Variants in GNAO1 observed in about 807,000 individuals in gnomAD.
GNAO1 encodes G protein subunit alpha o1.
For synonymous variants in GNAO1, 164 were observed against 180.7 expected, an observed-to-expected ratio of 0.91 and a Z score of 0.74; for missense variants, 166 against 478.7, an observed-to-expected ratio of 0.35 and a Z score of 6.10.
chr16:56,233,327 G>C (rs1412605453), intron 2 of GNAO1, among the ~76,000 whole-genome samples: 1 of 152,188 alleles, frequency 6.6e-6, no homozygotes. Flanking sequence ...CACATAGTAG[G>C]TGCTTAGTAA....
At chr16:56,316,113 G>A (rs1357523088) in intron 3 of GNAO1, among the ~76,000 whole-genome samples, 1 of 151,576 alleles carries the variant, frequency 6.6e-6, no homozygotes, top group African/African-American at 2.4e-5. Flanking sequence ...TCCCCGGCGT[G>A]CCCTGCCAGG....
chr16:56,214,105 G>T (rs1169793368), intron 2 of GNAO1, among the ~76,000 whole-genome samples: 16 of 152,146 alleles, frequency 1.1e-4, no homozygotes, highest in South Asian at 2.1e-4. Context: ...AATCTAGGAA[G>T]AATTCTAGGA....
intron 3 of GNAO1, among the ~76,000 whole-genome samples, chr16:56,320,206 G>A (rs1199860331): frequency 6.6e-6 from 1 of 152,210 alleles, no homozygotes; most frequent in African/African-American, 2.4e-5. Context: ...CCCCATAGAA[G>A]AGTCCCATCC....
intron 2 of GNAO1, among the ~76,000 whole-genome samples, chr16:56,239,224 C>T (rs1309120252): frequency 6.6e-6 from 1 of 152,192 alleles, no homozygotes; most frequent in Non-Finnish European, 1.5e-5. Context: ...GTTCATCAGC[C>T]AATTCATTGC....
At chr16:56,328,182 A>T (rs564464258) in intron 3 of GNAO1, among the ~76,000 whole-genome samples, 2 of 152,348 alleles carry the variant, frequency 1.3e-5, no homozygotes, top group African/African-American at 4.8e-5. Flanking sequence ...GAAGTATAGA[A>T]AATTACAGCT....
intron 3 of GNAO1, among the ~76,000 whole-genome samples, chr16:56,289,708 G>A (rs545582289): frequency 6.6e-6 from 1 of 152,264 alleles, no homozygotes; most frequent in South Asian, 2.1e-4. Context: ...GGAGGCCAGG[G>A]AGGCCTTTGG....
intron 6 of GNAO1, chr16:56,346,992 G>A (rs1293578037): frequency 2.0e-6 from 2 of 985,360 alleles, no homozygotes; most frequent in African/African-American, 1.7e-5. Flanking sequence ...GCACCCAGGG[G>A]TTGATTCAGG....
At chr16:56,207,009 T>C (rs1483820364) in intron 2 of GNAO1, among the ~76,000 whole-genome samples, 1 of 152,270 alleles carries the variant, frequency 6.6e-6, no homozygotes, top group East Asian at 1.9e-4. Flanking sequence ...CTTTTGTATG[T>C]GCCCATGGGA....
intron 6 of GNAO1, among the ~76,000 whole-genome samples, chr16:56,340,061 A>G (rs1322645585): frequency 6.6e-6 from 1 of 152,202 alleles, no homozygotes; most frequent in Non-Finnish European, 1.5e-5. Flanking sequence ...GGCTCTCTGC[A>G]GGAGCTAGCC....
intron 3 of GNAO1, among the ~76,000 whole-genome samples, chr16:56,318,196 CG>C (rs1164458917): frequency 6.6e-6 from 1 of 152,268 alleles, no homozygotes; most frequent in African/African-American, 2.4e-5. Context: ...GAGGGAGGGG[CG>C]GGGGGCTCTC....
intron 6 of GNAO1, chr16:56,346,230 G>A (rs2037867649): frequency 1.0e-6 from 1 of 985,502 alleles, no homozygotes; most frequent in African/African-American, 1.7e-5. Flanking sequence ...GTCGTAACCA[G>A]CGGCTCCATC....
At chr16:56,213,117 C>A (rs1433783889) in intron 2 of GNAO1, among the ~76,000 whole-genome samples, 1 of 152,242 alleles carries the variant, frequency 6.6e-6, no homozygotes, top group East Asian at 1.9e-4. Flanking sequence ...TTGGTCAAGA[C>A]CCGCTCTAGG....
chr16:56,327,492 C>G (rs1365172285), intron 3 of GNAO1, among the ~76,000 whole-genome samples: 1 of 152,050 alleles, frequency 6.6e-6, no homozygotes, highest in Admixed American at 6.6e-5. Flanking sequence ...GGGGGAGGTT[C>G]TGAGGACGGA....
chr16:56,192,454 C>A, intron 1 of GNAO1, 101 bp downstream of exon 1: 1 of 947,874 alleles, frequency 1.1e-6, no homozygotes. Context: ...ACCTGGTCCC[C>A]AAGTTGGCAC....
At chr16:56,212,454 C>T (rs1180009412) in intron 2 of GNAO1, among the ~76,000 whole-genome samples, 1 of 152,190 alleles carries the variant, frequency 6.6e-6, no homozygotes, top group African/African-American at 2.4e-5. Flanking sequence ...TGTCATCTCT[C>T]ATGACTTGCT....
chr16:56,331,579 C>T (rs1049471595), intron 4 of GNAO1, among the ~76,000 whole-genome samples: 8 of 152,154 alleles, frequency 5.3e-5, no homozygotes, highest in African/African-American at 1.7e-4. Context: ...TCCCAGCCCC[C>T]GCCTCCTCTC....
chr16:56,252,203 G>C (rs147694606), intron 2 of GNAO1, among the ~76,000 whole-genome samples: 7 of 152,212 alleles, frequency 4.6e-5, no homozygotes, highest in Non-Finnish European at 8.8e-5. Context: ...GTACTATACT[G>C]TGTTCCTCTT....
rs570006139 is a variant in GNAO1 at position 56,354,134 on chromosome 16, T to C, written c.878-732T>C. 6.6e-6 allele frequency among the ~76,000 whole-genome samples: 1 copy of C among 152,338 alleles called. No homozygotes were observed. The highest frequency in any genetic ancestry group is 2.1e-4 in the South Asian group (1 of 4,832). On this transcript the variant is annotated intron_variant, in intron 7 of 8. Transcript: ENST00000262493. This position sits in a 1 kb window ranked among gnomAD's most constrained non-coding sequence, Gnocchi z 4.3. ...CCCACCACCCTCTTGGGCAGGCCCC[T>C]CTCCAGACTTTGTTTTCATGGTTTA...
chr16:56,261,791 G>A (rs1472397548), intron 2 of GNAO1, among the ~76,000 whole-genome samples: 2 of 152,162 alleles, frequency 1.3e-5, no homozygotes, highest in Admixed American at 1.3e-4. Flanking sequence ...AACCTGTTCA[G>A]TAACCAGGCA....
Sources: allele counts gnomAD v4.1 joint callset (sites outside exome capture counted in the v4.1 genomes callset), GRCh38; gene constraint gnomAD v4.1.1; non-coding constraint Gnocchi (gnomAD v3.1); transcripts MANE v1.5; gene names NCBI Gene and HGNC (gene_info 2026-07-23, HGNC 2026-07-21).